Variants in ROBO2 observed in about 807,000 individuals in gnomAD.
ROBO2 encodes roundabout homolog 2.
In ROBO2, 53 loss-of-function variants were observed where a neutral mutation model predicts 160.8. The ratio of observed to expected loss-of-function variants is 0.33; its 90% CI spans 0.26 to 0.41. ROBO2 has a LOEUF of 0.41. Ranked by LOEUF, ROBO2 falls within the 10% of genes least tolerant of loss-of-function variation. The pLI is 1.00. For missense variants in ROBO2, 1,577 were observed against 1,722.4 expected (o/e 0.92, Z 1.49); for synonymous variants, 664 against 611.7 (o/e 1.09, Z -1.26).
At chr3:77,101,755 TG>T (rs1484748211) in intron 2 of ROBO2, among the ~76,000 whole-genome samples, 1 of 152,038 alleles carries the variant, frequency 6.6e-6, no homozygotes, top group Non-Finnish European at 1.5e-5. Context: ...ATAATAAAAT[TG>T]GGGCCAGGTG....
chr3:76,915,294 T>C (rs1375993026), intron 2 of ROBO2, among the ~76,000 whole-genome samples: 2 of 152,126 alleles, frequency 1.3e-5, no homozygotes, highest in East Asian at 3.9e-4. Flanking sequence ...TTCTGTGGAC[T>C]AAGAAACCCA....
In ROBO2 at chr3:77,267,274, G is replaced by A. The variant is rs2059186434; in HGVS notation, c.388+168934G>A. On this transcript the variant is annotated intron_variant, in intron 2 of 25. Transcript: ENST00000461745. The stretch of plus-strand genomic sequence containing the variant: ...CAAAAATATTAGTTGTTTTATTGCG[G>A]ACAGCCTTAATTTATATAAATGGAA... Among the ~76,000 whole-genome samples the A allele has an allele frequency of 2.0e-5, 3 of 152,162 alleles. No homozygotes were observed. The East Asian group carries it at 5.8e-4, about 29-fold the overall frequency.
At chr3:76,918,366 G>T (rs912983770) in intron 2 of ROBO2, among the ~76,000 whole-genome samples, 3 of 152,146 alleles carry the variant, frequency 2.0e-5, no homozygotes, top group East Asian at 3.9e-4. Flanking sequence ...TGCCATGATT[G>T]TAAGTTTCCT....
At chr3:76,755,797 T>C (rs1447272326) in intron 2 of ROBO2, among the ~76,000 whole-genome samples, 1 of 151,882 alleles carries the variant, frequency 6.6e-6, no homozygotes, top group African/African-American at 2.4e-5. Context: ...CTCTAAATTA[T>C]GTTTAGGAAA....
intron 2 of ROBO2, among the ~76,000 whole-genome samples, chr3:76,714,169 G>A (rs2093344249): frequency 6.6e-6 from 1 of 152,066 alleles, no homozygotes; most frequent in African/African-American, 2.4e-5. Context: ...AAATTAGGAG[G>A]AAAATTTTGC....
rs1477468195 is a variant in ROBO2 at position 76,021,495 on chromosome 3, C to T, written c.109+83893C>T. Among the ~76,000 whole-genome samples, 6 of 151,660 alleles carry T rather than the reference C, an allele frequency of 4.0e-5. No homozygotes were observed. In the South Asian group the frequency reaches 8.3e-4, roughly 21 times the overall value. On this transcript the variant is annotated intron_variant, in intron 2 of 26. Coordinates refer to the ROBO2 transcript ENST00000487694. ...TGCCATACCTGTATCAGTAGAATTA[C>T]GTCCCTATTATACATGAAGATATAC...
At chr3:77,031,850 C>T (rs1289758536) in intron 2 of ROBO2, among the ~76,000 whole-genome samples, 1 of 151,812 alleles carries the variant, frequency 6.6e-6, no homozygotes, top group Non-Finnish European at 1.5e-5. Context: ...CATGATACCA[C>T]AAACTGGATG....
chr3:76,800,019 A>C (rs1484379643), intron 2 of ROBO2, among the ~76,000 whole-genome samples: 2 of 152,216 alleles, frequency 1.3e-5, no homozygotes, highest in Non-Finnish European at 2.9e-5. Context: ...GCATAAAAAC[A>C]GACACAAAGA....
In ROBO2 at chr3:77,098,362, C is replaced by T. The variant is rs1342479447; in HGVS notation, c.388+22C>T. On this transcript the variant is annotated intron_variant, in intron 2 of 25. Transcript: ENST00000461745. ...GCATGTAAGTGAACATAATGAACCTCATGTGCACATTTACTTTTATTTATT... is the reference window on the plus strand; with the variant it reads ...GCATGTAAGTGAACATAATGAACCTTATGTGCACATTTACTTTTATTTATT... 7 of 1,607,422 alleles carry T rather than the reference C, an allele frequency of 4.4e-6. No homozygotes were observed. In the Admixed American group the frequency reaches 1.0e-4, roughly 23 times the overall value.
chr3:76,363,486 A>G (rs147879517), intron 2 of ROBO2, among the ~76,000 whole-genome samples: 1 of 152,248 alleles, frequency 6.6e-6, no homozygotes, highest in East Asian at 1.9e-4. Context: ...TTTAAGCATT[A>G]TTAAAGATGA....
At chr3:75,993,192 A>G (rs1461218605) in intron 2 of ROBO2, among the ~76,000 whole-genome samples, 1 of 152,134 alleles carries the variant, frequency 6.6e-6, no homozygotes, top group Non-Finnish European at 1.5e-5. Context: ...GCCGAATTAT[A>G]TAGTTTGGCT....
At chr3:76,657,656 TCATATATATGTGTATATATATA>T (rs1560319146) in intron 2 of ROBO2, among the ~76,000 whole-genome samples, 215 of 46,890 alleles carry the variant, frequency 4.6e-3, no homozygotes, top group African/African-American at 0.019. Context: ...GTATATATAT[TCATATATATGTGTATATATATA>T]CATATATGTG....
intron 2 of ROBO2, among the ~76,000 whole-genome samples, chr3:76,096,662 C>G (rs998844679): frequency 9.9e-5 from 15 of 152,060 alleles, no homozygotes; most frequent in African/African-American, 3.6e-4. Flanking sequence ...TGACAATATG[C>G]TAGGCATCAT....
intron 24 of ROBO2, among the ~76,000 whole-genome samples, chr3:77,636,924 T>A (rs1410732751): frequency 1.3e-5 from 2 of 152,228 alleles, no homozygotes; most frequent in Non-Finnish European, 2.9e-5. Flanking sequence ...TATCCTGAAG[T>A]TATATTCTAA....
At chr3:76,362,409 C>T (rs1203989435) in intron 2 of ROBO2, among the ~76,000 whole-genome samples, 1 of 151,944 alleles carries the variant, frequency 6.6e-6, no homozygotes, top group Non-Finnish European at 1.5e-5. Flanking sequence ...TTTTATTGAT[C>T]ATAGGGATCA....
intron 2 of ROBO2, among the ~76,000 whole-genome samples, chr3:76,523,358 C>T (rs2081745782): frequency 6.6e-6 from 1 of 150,452 alleles, no homozygotes. Context: ...CTCATTTTAC[C>T]TTCCTTCTGT....
Position 76,818,486 on chromosome 3 carries a change from GC to G in ROBO2, c.110-279527del, listed in dbSNP as rs1237478866. ...TGATTGTTTCTATTGCTGTGCAGAAGCTTTTTAGTTTAATTAAGTCCCATTT... is the reference window on the plus strand; with the variant it reads ...TGATTGTTTCTATTGCTGTGCAGAAGTTTTTAGTTTAATTAAGTCCCATTT... On this transcript the variant is annotated intron_variant, in intron 2 of 26. Transcript: ENST00000487694. 1.5e-4 allele frequency among the ~76,000 whole-genome samples: 23 copies of G among 152,090 alleles called. No individual in the cohort carries two copies. The Middle Eastern group carries it at 0.01, about 67-fold the overall frequency.
intron 2 of ROBO2, among the ~76,000 whole-genome samples, chr3:76,037,449 G>A (rs1052038055): frequency 2.0e-5 from 3 of 151,428 alleles, no homozygotes. Context: ...CTAGAGACGG[G>A]GTTTCACTTG....
intron 2 of ROBO2, among the ~76,000 whole-genome samples, chr3:76,204,731 G>T (rs1045216330): frequency 2.0e-5 from 3 of 152,070 alleles, no homozygotes; most frequent in Non-Finnish European, 4.4e-5. Flanking sequence ...GTCTCCTATT[G>T]GCTACATATC....
Sources: allele counts gnomAD v4.1 joint callset (sites outside exome capture counted in the v4.1 genomes callset), GRCh38; gene constraint gnomAD v4.1.1; transcripts MANE v1.5; gene names NCBI Gene and HGNC (gene_info 2026-07-23, HGNC 2026-07-21).